Variants in NDST4 observed in about 807,000 individuals in gnomAD.
NDST4 encodes N-deacetylase and N-sulfotransferase 4, also known as N-heparan sulfate sulfotransferase 4.
In NDST4, 63 loss-of-function variants were observed where a neutral mutation model predicts 100.8. That is an observed-to-expected ratio of 0.62 (90% CI 0.51 to 0.77). The LOEUF is 0.77. Ranked by LOEUF, NDST4 falls within the 30% of genes least tolerant of loss-of-function variation. The probability of loss-of-function intolerance (pLI) is 0.00; values close to 1 mark genes in which losing one functional copy is unlikely to be tolerated. For missense variants in NDST4, 943 were observed against 1,018.4 expected (o/e 0.93, Z 1.01); for synonymous variants, 377 against 361.8 (o/e 1.04, Z -0.48).
intron 11 of NDST4, among the ~76,000 whole-genome samples, chr4:114,838,260 G>C (rs1723344565): frequency 6.6e-6 from 1 of 152,170 alleles, no homozygotes. Flanking sequence ...AGACAGTATG[G>C]CAATTCTTCA....
At chr4:115,034,716 C>T (rs1578471811) in intron 2 of NDST4, among the ~76,000 whole-genome samples, 1 of 152,090 alleles carries the variant, frequency 6.6e-6, no homozygotes, top group South Asian at 2.1e-4. Context: ...CAAGCATGGC[C>T]CCCGCCTTGA....
intron 5 of NDST4, among the ~76,000 whole-genome samples, chr4:114,937,060 A>G (rs1296077838): frequency 2.0e-5 from 3 of 152,218 alleles, no homozygotes; most frequent in African/African-American, 7.2e-5. Context: ...CTGAAACTAA[A>G]GTGGATAATC....
chr4:114,863,511 T>C (rs1220640620), intron 7 of NDST4, among the ~76,000 whole-genome samples: 1 of 152,262 alleles, frequency 6.6e-6, no homozygotes, highest in Admixed American at 6.5e-5. Flanking sequence ...GTTTCTATTG[T>C]TTTAATTTTT....
intron 2 of NDST4, among the ~76,000 whole-genome samples, chr4:115,004,876 A>G (rs894454961): frequency 6.6e-6 from 1 of 152,288 alleles, no homozygotes; most frequent in South Asian, 2.1e-4. Flanking sequence ...TAAGTTTGTT[A>G]CAGCTTAATT....
intron 2 of NDST4, among the ~76,000 whole-genome samples, chr4:115,055,101 C>T (rs1210077542): frequency 6.6e-6 from 1 of 152,086 alleles, no homozygotes; most frequent in Admixed American, 6.6e-5. Context: ...CTATTGTAAA[C>T]TGTATATGCG....
At chr4:114,896,207 T>C (rs1724709487) in intron 6 of NDST4, among the ~76,000 whole-genome samples, 2 of 152,182 alleles carry the variant, frequency 1.3e-5, no homozygotes. Flanking sequence ...AGATCATTCA[T>C]CTGTATTTCT....
intron 6 of NDST4, among the ~76,000 whole-genome samples, chr4:114,913,547 G>C (rs1578384633): frequency 6.6e-6 from 1 of 151,868 alleles, no homozygotes; most frequent in Non-Finnish European, 1.5e-5. Context: ...TTGTTTTATA[G>C]AATGAGATCA....
intron 6 of NDST4, among the ~76,000 whole-genome samples, chr4:114,927,165 A>G (rs1283627809): frequency 2.0e-5 from 3 of 151,886 alleles, no homozygotes; most frequent in African/African-American, 4.8e-5. Context: ...TCTTATAATT[A>G]TAGATTAGAT....
At chr4:114,935,182 A>T (rs1200433499) in intron 6 of NDST4, 24 bp downstream of exon 6, 5 of 1,477,512 alleles carry the variant, frequency 3.4e-6, no homozygotes, top group Non-Finnish European at 4.5e-6. Context: ...ATCTTATTGT[A>T]AGGTGCATAC....
intron 2 of NDST4, among the ~76,000 whole-genome samples, chr4:115,015,591 C>A (rs759793902): frequency 1.3e-4 from 19 of 151,980 alleles, no homozygotes; most frequent in Non-Finnish European, 2.5e-4. Context: ...TCTTAAAGGG[C>A]AAAATATATG....
intron 2 of NDST4, among the ~76,000 whole-genome samples, chr4:115,074,692 T>C (rs1729144692): frequency 6.6e-6 from 1 of 152,118 alleles, no homozygotes; most frequent in Non-Finnish European, 1.5e-5. Context: ...AGTGAACTTA[T>C]TCTACTGCTT....
chr4:114,936,631 A>G (rs987154103), intron 5 of NDST4, among the ~76,000 whole-genome samples: 1 of 152,238 alleles, frequency 6.6e-6, no homozygotes, highest in Non-Finnish European at 1.5e-5. Flanking sequence ...TTTTATCTCA[A>G]AATGAGTAAT....
intron 7 of NDST4, 61 bp downstream of exon 7, chr4:114,870,707 T>G (rs1445259682): frequency 1.4e-6 from 2 of 1,440,820 alleles, no homozygotes; most frequent in African/African-American, 2.9e-5. Flanking sequence ...TAACACAAAT[T>G]ATACACTCAC....
At chr4:115,060,375 T>C (rs767288887) in intron 2 of NDST4, among the ~76,000 whole-genome samples, 165 of 152,092 alleles carry the variant, frequency 1.1e-3, no homozygotes, top group Admixed American at 1.7e-3. Flanking sequence ...AAATGAAAAA[T>C]GCATTTTCAT....
At chr4:114,846,906 T>C (rs1723561141) in intron 9 of NDST4, among the ~76,000 whole-genome samples, 1 of 152,144 alleles carries the variant, frequency 6.6e-6, no homozygotes, top group South Asian at 2.1e-4. Flanking sequence ...CAGAGAAAAT[T>C]GCCGTTCTGC....
At chr4:115,083,081 C>T (rs1171348723) in intron 1 of NDST4, among the ~76,000 whole-genome samples, 1 of 152,006 alleles carries the variant, frequency 6.6e-6, no homozygotes, top group Non-Finnish European at 1.5e-5. Context: ...ATGCTTCATG[C>T]GTTTTTTTGT....
Position 115,009,492 on chromosome 4 carries a change from C to A in NDST4, c.979-32218G>T, listed in dbSNP as rs1285068882. 3.3e-4 allele frequency among the ~76,000 whole-genome samples: 41 copies of A among 125,012 alleles called. 8 individuals carry two copies. The highest frequency in any genetic ancestry group is 1.2e-3 in the African/African-American group (40 of 32,010). The allele number at this position is 125,012 out of a possible 152,430, so 82.0% of individuals were successfully genotyped here. A position where few individuals can be genotyped will look rare whatever the true frequency, so the allele number is the denominator to read the frequency against. ...AAACTGGCTAGCCATATGTAGAAAGCTGAAACTGGATCCCTTCCTTACACC... is the reference window on the plus strand; with the variant it reads ...AAACTGGCTAGCCATATGTAGAAAGATGAAACTGGATCCCTTCCTTACACC... On this transcript the variant is annotated intron_variant, in intron 2 of 13. Transcript: ENST00000264363.
intron 2 of NDST4, among the ~76,000 whole-genome samples, chr4:115,043,595 G>A (rs1560578105): frequency 6.6e-6 from 1 of 152,042 alleles, no homozygotes; most frequent in African/African-American, 2.4e-5. Flanking sequence ...AAGAGACGGA[G>A]TGGAATCCTG....
chr4:114,983,941 T>C (rs1187658272), intron 2 of NDST4, among the ~76,000 whole-genome samples: 1 of 152,114 alleles, frequency 6.6e-6, no homozygotes, highest in East Asian at 1.9e-4. Flanking sequence ...TTTAAAAGTG[T>C]GTGGCACTTT....
Sources: gnomAD v4.1 joint callset for allele counts (sites outside exome capture counted in the v4.1 genomes callset) on GRCh38, gnomAD v4.1.1 for gene constraint, MANE v1.5 for transcripts, NCBI Gene and HGNC (gene_info 2026-07-23, HGNC 2026-07-21) for gene names.